TTLL7: variants seen among roughly 807,000 people sequenced by gnomAD.
TTLL7 encodes tubulin polyglutamylase TTLL7.
In TTLL7, 53 loss-of-function variants were observed where a neutral mutation model predicts 120.2. That is an observed-to-expected ratio of 0.44 (90% CI 0.35 to 0.55). The LOEUF is 0.55. Ranked by LOEUF, TTLL7 falls within the 20% of genes least tolerant of loss-of-function variation. The probability of loss-of-function intolerance (pLI) is 0.00; values close to 1 mark genes in which losing one functional copy is unlikely to be tolerated. For synonymous variants in TTLL7, 353 were observed against 351.7 expected (o/e 1.00, Z -0.04); for missense variants, 803 against 1,054.7 (o/e 0.76, Z 3.31).
At chr1:83,951,473 T>C (rs1367532455) in intron 3 of TTLL7, among the ~76,000 whole-genome samples, 4 of 152,224 alleles carry the variant, frequency 2.6e-5, no homozygotes, top group African/African-American at 9.6e-5. Flanking sequence ...TTTCTTTACA[T>C]TCATAAATTC....
intron 18 of TTLL7, among the ~76,000 whole-genome samples, chr1:83,895,185 CTG>C (rs1656106677): frequency 6.6e-6 from 1 of 152,006 alleles, no homozygotes; most frequent in Admixed American, 6.6e-5. Context: ...TTAATGGAGA[CTG>C]TTATGCATAT....
chr1:83,993,738 T>C (rs1313324865), intron 1 of TTLL7, among the ~76,000 whole-genome samples: 1 of 152,136 alleles, frequency 6.6e-6, no homozygotes. Context: ...ACTAGTTGCT[T>C]GCAAATAAAA....
chr1:83,990,029 T>G (rs570086061), intron 1 of TTLL7, among the ~76,000 whole-genome samples: 73 of 152,322 alleles, frequency 4.8e-4, no homozygotes, highest in African/African-American at 1.6e-3. Context: ...TTACTGGTTT[T>G]TGTGCATTGG....
chr1:83,935,127 A>C (rs939824785), intron 8 of TTLL7, among the ~76,000 whole-genome samples: 1 of 152,000 alleles, frequency 6.6e-6, no homozygotes. Flanking sequence ...TTTTCAAAAA[A>C]TTTTGTTCAA....
intron 6 of TTLL7, among the ~76,000 whole-genome samples, chr1:83,945,527 C>G (rs1042989425): frequency 6.6e-6 from 1 of 152,084 alleles, no homozygotes; most frequent in Non-Finnish European, 1.5e-5. Flanking sequence ...CTTCAATAGT[C>G]CACTTTCAAT....
chr1:83,898,309 C>A (rs1219743737), intron 18 of TTLL7, among the ~76,000 whole-genome samples: 2 of 151,822 alleles, frequency 1.3e-5, no homozygotes, highest in African/African-American at 4.8e-5. Context: ...AACCTTAGTA[C>A]AAAAGAAAAA....
intron 1 of TTLL7, among the ~76,000 whole-genome samples, chr1:83,997,390 T>C (rs1051518928): frequency 1.3e-5 from 2 of 152,160 alleles, no homozygotes; most frequent in Non-Finnish European, 2.9e-5. Flanking sequence ...AGACCTAGCA[T>C]CCATTATTTT....
chr1:83,959,456 T>C (rs925102942), intron 1 of TTLL7, among the ~76,000 whole-genome samples: 1 of 152,136 alleles, frequency 6.6e-6, no homozygotes, highest in East Asian at 1.9e-4. Flanking sequence ...GGACTCTCAC[T>C]TTTTTTTCAT....
intron 10 of TTLL7, among the ~76,000 whole-genome samples, chr1:83,922,693 A>AG: frequency 6.6e-6 from 1 of 151,628 alleles, no homozygotes; most frequent in Non-Finnish European, 1.5e-5. Flanking sequence ...GGACTTGAAT[A>AG]CTAGGTTATT....
chr1:83,989,219 C>T (rs1652759906), intron 1 of TTLL7, among the ~76,000 whole-genome samples: 1 of 152,120 alleles, frequency 6.6e-6, no homozygotes, highest in African/African-American at 2.4e-5. Flanking sequence ...GCTGCAATTG[C>T]TTTTGGGGAC....
intron 10 of TTLL7, among the ~76,000 whole-genome samples, chr1:83,926,477 C>CA (rs1419598976): frequency 5.9e-5 from 9 of 151,978 alleles, no homozygotes; most frequent in Non-Finnish European, 1.3e-4. Flanking sequence ...ATGTCAGACT[C>CA]AAAAATGATG....
Position 83,942,521 on chromosome 1 carries a change from T to C in TTLL7, c.665A>G (p.His222Arg), listed in dbSNP as rs372643726. The change falls in exon 7 of 21, where the codon CAT (histidine) becomes CGT (arginine). Residue 222 changes from histidine to arginine, a missense_variant. Physicochemically the swap from His to Arg is conservative, Grantham distance 29. Coordinates refer to ENST00000260505, the MANE Select transcript of TTLL7 (RefSeq NM_024686.6). ...TGTACCCATTCGCACAAGCCCATCA[T>C]GGTAGAGAAATATTTTTAGTGGATC... ...SCDPLKIFLY[H>R]DGLVRMGTEK... 10 of 1,613,956 alleles carry C rather than the reference T, an allele frequency of 6.2e-6. No homozygotes were observed. Among genetic ancestry groups the C allele is most frequent in the African/African-American group, 1.3e-5 (1 of 74,938 alleles).
intron 3 of TTLL7, among the ~76,000 whole-genome samples, chr1:83,950,532 C>G (rs12406984): frequency 0.43 from 66,077 of 151,982 alleles, 15,696 homozygotes; most frequent in Non-Finnish European, 0.54. Flanking sequence ...TGCTCCCAAC[C>G]CTCTAATCCT....
At chr1:83,901,718 T>C (rs1035850187) in intron 18 of TTLL7, among the ~76,000 whole-genome samples, 3 of 151,962 alleles carry the variant, frequency 2.0e-5, no homozygotes, top group African/African-American at 7.2e-5. Flanking sequence ...GGCAGGACAC[T>C]AAGCAAATAT....
chr1:83,960,973 T>C (rs1259107691), intron 1 of TTLL7, among the ~76,000 whole-genome samples: 1 of 152,180 alleles, frequency 6.6e-6, no homozygotes, highest in African/African-American at 2.4e-5. Flanking sequence ...TCCTGTGTTC[T>C]AGACCTGAAA....
At chr1:83,882,853 CTT>C in intron 20 of TTLL7, 108 bp downstream of exon 20, 4 of 1,266,998 alleles carry the variant, frequency 3.2e-6, no homozygotes, top group Non-Finnish European at 4.4e-6. Context: ...AACTTTCAGT[CTT>C]TAGCTTTTTC....
chr1:83,905,045 C>T (rs1012865886), intron 17 of TTLL7, among the ~76,000 whole-genome samples: 1 of 151,776 alleles, frequency 6.6e-6, no homozygotes, highest in Non-Finnish European at 1.5e-5. Flanking sequence ...TAATTTTCTT[C>T]TACCTGATTC....
At chr1:83,987,613 T>C (rs888393813) in intron 1 of TTLL7, among the ~76,000 whole-genome samples, 1 of 152,180 alleles carries the variant, frequency 6.6e-6, no homozygotes, top group African/African-American at 2.4e-5. Context: ...AACAGCAATT[T>C]GAAACAATTC....
At position 83,870,055 on chromosome 1, in the gene TTLL7, G is replaced by T; in HGVS notation, c.2571C>A (p.Phe857Leu). Residue 857 changes from phenylalanine (F) to leucine (L), a missense_variant, in exon 21 of 21, where the codon TTC becomes TTA. Physicochemically the swap from Phe to Leu is conservative, Grantham distance 22 (BLOSUM62 0). This residue lies in a region of TTLL7 where 388 missense variants were observed against 450.4 expected (regional missense o/e 0.86). Coordinates refer to ENST00000260505, the MANE Select transcript of TTLL7 (RefSeq NM_024686.6). The stretch of plus-strand genomic sequence containing the variant: ...AGTTGTAGGTTGGTGTTCTCAAGAA[G>T]AATTGGGTGCTCCCTGGTAGTAAAT... The part of the protein sequence containing the change: ...SRYLLPGSTQ[F>L]FLRTPTYNLK... The T allele has an allele frequency of 1.3e-6, 2 of 1,576,454 alleles. No individual in the cohort carries two copies. Among genetic ancestry groups the T allele is most frequent in the Non-Finnish European group, 1.7e-6 (2 of 1,167,214 alleles).
Sources: gnomAD v4.1 joint callset for allele counts (sites outside exome capture counted in the v4.1 genomes callset) on GRCh38, gnomAD v4.1.1 for gene constraint, gnomAD v4.1.1 regional missense constraint, MANE v1.5 for transcripts, NCBI Gene and HGNC (gene_info 2026-07-23, HGNC 2026-07-21) for gene names.